GKAP1: variants seen among roughly 807,000 people sequenced by gnomAD.
GKAP1 encodes G kinase-anchoring protein 1.
A neutral mutation model predicts 56.7 loss-of-function variants in GKAP1; 31 were observed. The observed-to-expected ratio is 0.55, with a 90% CI of 0.41 to 0.74. The LOEUF (loss-of-function observed/expected upper bound fraction) is 0.74, where lower values mean the gene tolerates loss of function less well. Ranked by LOEUF, GKAP1 falls within the 30% of genes least tolerant of loss-of-function variation. The pLI, the probability that GKAP1 is intolerant of heterozygous loss-of-function variation, is 0.00. For missense variants in GKAP1, 364 were observed against 402.3 expected, an observed-to-expected ratio of 0.90 and a Z score of 0.82; for synonymous variants, 151 against 138.6, an observed-to-expected ratio of 1.09 and a Z score of -0.63.
At chr9:83,780,945 CTT>C (rs1049775963) in intron 6 of GKAP1, among the ~76,000 whole-genome samples, 7 of 152,052 alleles carry the variant, frequency 4.6e-5, no homozygotes, top group Admixed American at 2.6e-4. Flanking sequence ...TATTTATAGA[CTT>C]AACATAAAAA....
chr9:83,764,789 T>G (rs1174598554), intron 8 of GKAP1, among the ~76,000 whole-genome samples: 1 of 152,144 alleles, frequency 6.6e-6, no homozygotes, highest in African/African-American at 2.4e-5. Flanking sequence ...GCCCTAGAGA[T>G]CTGTGGAATT....
rs551157492 is a variant in GKAP1, at chr9:83,750,678, T to TA, written c.841-2307dup. Among the ~76,000 whole-genome samples the TA allele has an allele frequency of 6.4e-3, 977 of 152,352 alleles. 6 individuals are homozygous for TA. The highest frequency in any genetic ancestry group is 0.014 in the South Asian group (67 of 4,828). On this transcript the variant is annotated intron_variant, in intron 9 of 12. Transcript: ENST00000376371. ...ATCTTACCTCCTCCCTTAGGCTTTT[T>TA]AAAAAATCTATTTTTTAATCTATTA...
chr9:83,764,242 C>G (rs1357544457), intron 8 of GKAP1, among the ~76,000 whole-genome samples: 1 of 152,108 alleles, frequency 6.6e-6, no homozygotes, highest in Non-Finnish European at 1.5e-5. Context: ...CAAGGTGAAA[C>G]TAGGTGGAGA....
At chr9:83,746,564 G>A (rs531389596) in intron 10 of GKAP1, among the ~76,000 whole-genome samples, 6 of 152,170 alleles carry the variant, frequency 3.9e-5, no homozygotes, top group Admixed American at 3.3e-4. Context: ...TTAGCCAGAC[G>A]TGGTAGCAGG....
chr9:83,748,680 A>G (rs1309128171), intron 9 of GKAP1: 10 of 172,178 alleles, frequency 5.8e-5, no homozygotes, highest in Non-Finnish European at 8.6e-5. Flanking sequence ...AAACCCTTAT[A>G]CAATTCAAAA....
At chr9:83,793,161 C>A in intron 4 of GKAP1, 2 of 209,870 alleles carry the variant, frequency 9.5e-6, no homozygotes, top group Non-Finnish European at 9.6e-6. Flanking sequence ...AGTCTAAGTA[C>A]CATTACAATT....
intron 8 of GKAP1, among the ~76,000 whole-genome samples, chr9:83,765,337 TAG>T (rs1165612769): frequency 1.3e-5 from 2 of 152,120 alleles, no homozygotes; most frequent in Non-Finnish European, 2.9e-5. Context: ...GATGTCCAGG[TAG>T]AGAGGTGTGC....
In GKAP1 at chr9:83,776,475, T is replaced by C. The variant is rs140195712; in HGVS notation, c.585+3907A>G. On this transcript the variant is annotated intron_variant, in intron 7 of 12. Transcript: ENST00000376371. ...ACTTTGGGAGGCCGAGGCAGGTGGA[T>C]CACGAGGTCAAGAGATAGAGACCAT... Among the ~76,000 whole-genome samples, 748 of 152,270 alleles carry C rather than the reference T, an allele frequency of 4.9e-3. 42 individuals are homozygous for C. In the East Asian group the frequency reaches 0.12, roughly 25 times the overall value.
At chr9:83,809,158 G>A (rs185170731) in intron 2 of GKAP1, among the ~76,000 whole-genome samples, 2 of 152,320 alleles carry the variant, frequency 1.3e-5, no homozygotes, top group Non-Finnish European at 2.9e-5. Context: ...TGGATTATTT[G>A]CATGCATTAA....
intron 3 of GKAP1, among the ~76,000 whole-genome samples, chr9:83,805,709 T>C (rs1370757892): frequency 6.6e-6 from 1 of 152,176 alleles, no homozygotes; most frequent in Admixed American, 6.5e-5. Flanking sequence ...TACCAAAATA[T>C]TAATTGGTTA....
intron 8 of GKAP1, 149 bp downstream of exon 8, chr9:83,768,669 T>C: frequency 1.5e-6 from 1 of 676,188 alleles, no homozygotes; most frequent in Non-Finnish European, 2.5e-6. Flanking sequence ...CTTTTTAATA[T>C]AAATACCTTT....
intron 10 of GKAP1, among the ~76,000 whole-genome samples, chr9:83,746,908 G>A (rs556483296): frequency 6.6e-6 from 1 of 152,184 alleles, no homozygotes; most frequent in Non-Finnish European, 1.5e-5. Flanking sequence ...TGGATATGGA[G>A]GGCTGACTAT....
At chr9:83,751,302 C>T (rs1208763126) in intron 9 of GKAP1, among the ~76,000 whole-genome samples, 1 of 152,206 alleles carries the variant, frequency 6.6e-6, no homozygotes, top group African/African-American at 2.4e-5. Flanking sequence ...GAAAAATCAT[C>T]TTTTCTATGA....
intron 10 of GKAP1, among the ~76,000 whole-genome samples, chr9:83,748,040 G>A (rs1041364730): frequency 6.6e-6 from 1 of 152,148 alleles, no homozygotes; most frequent in Non-Finnish European, 1.5e-5. Context: ...TGAGGTGCAT[G>A]TGATATTTTG....
chr9:83,782,650 C>T (rs542157633), intron 6 of GKAP1, among the ~76,000 whole-genome samples: 3 of 146,318 alleles, frequency 2.1e-5, no homozygotes, highest in South Asian at 4.3e-4. Context: ...GATGAGCCAA[C>T]GCGCCCAGCC....
chr9:83,796,560 T>C (rs966141418), intron 4 of GKAP1, among the ~76,000 whole-genome samples: 1 of 152,210 alleles, frequency 6.6e-6, no homozygotes, highest in East Asian at 1.9e-4. Context: ...CTCTGCCTCC[T>C]GGGCTCAAGA....
intron 7 of GKAP1, among the ~76,000 whole-genome samples, chr9:83,778,826 C>T (rs915505636): frequency 4.0e-5 from 6 of 150,926 alleles, no homozygotes; most frequent in Non-Finnish European, 7.4e-5. Context: ...AATCAGAAAT[C>T]TTCAAAATGA....
At chr9:83,746,107 T>C (rs1943289658) in intron 10 of GKAP1, among the ~76,000 whole-genome samples, 1 of 152,188 alleles carries the variant, frequency 6.6e-6, no homozygotes. Context: ...CATAATTCTT[T>C]AACTTCTATT....
At chr9:83,795,156 C>CA (rs1031439217) in intron 4 of GKAP1, among the ~76,000 whole-genome samples, 903 of 63,114 alleles carry the variant, frequency 0.014, 4 homozygotes, top group African/African-American at 0.016. Context: ...GACTCCATCT[C>CA]AAAAAAAAAA....
Sources: allele counts gnomAD v4.1 joint callset (sites outside exome capture counted in the v4.1 genomes callset), GRCh38; gene constraint gnomAD v4.1.1; transcripts MANE v1.5; gene names NCBI Gene and HGNC (gene_info 2026-07-23, HGNC 2026-07-21).